BANK1: variants seen among roughly 807,000 people sequenced by gnomAD.
BANK1 encodes B cell scaffold protein with ankyrin repeats 1.
Under a neutral mutation model 94.5 loss-of-function variants are expected in BANK1, and 95 were observed. The observed-to-expected ratio is 1.00, with a 90% CI of 0.85 to 1.19. The LOEUF (loss-of-function observed/expected upper bound fraction) is 1.19, where lower values mean the gene tolerates loss of function less well. BANK1 is among the 50% of genes most tolerant of loss of function. The pLI is 0.00. For missense variants in BANK1, 987 were observed against 932.2 expected (o/e 1.06, Z -0.77); for synonymous variants, 334 against 308.4 (o/e 1.08, Z -0.87).
intron 7 of BANK1, among the ~76,000 whole-genome samples, chr4:101,962,566 C>G (rs1273973898): frequency 2.0e-5 from 3 of 152,120 alleles, no homozygotes; most frequent in Non-Finnish European, 4.4e-5. Context: ...TCATCATCTT[C>G]AAGCCAACTG....
At chr4:102,039,533 T>G (rs1046497054) in intron 10 of BANK1, among the ~76,000 whole-genome samples, 1 of 152,064 alleles carries the variant, frequency 6.6e-6, no homozygotes, top group African/African-American at 2.4e-5. Context: ...ACAGTATAAA[T>G]TGGGAAGCTG....
In BANK1 at chr4:101,811,813, A is replaced by C. The variant is rs560716198; in HGVS notation, c.71-17995A>C. Among the ~76,000 whole-genome samples the C allele has an allele frequency of 4.0e-3, 616 of 152,238 alleles. 5 individuals carry two copies. The highest frequency in any genetic ancestry group is 0.014 in the African/African-American group (581 of 41,574). On this transcript the variant is annotated intron_variant, in intron 1 of 16. Coordinates refer to ENST00000322953, the MANE Select transcript of BANK1 (RefSeq NM_017935.5). Reference sequence around the variant, plus strand: ...GAACCCTGGGATAAATAAGATAAGAAGATTCCTTCACCACAGGTCTTAATG... The same window carrying C: ...GAACCCTGGGATAAATAAGATAAGACGATTCCTTCACCACAGGTCTTAATG...
At chr4:102,061,516 A>G (rs139110337) in intron 12 of BANK1, 1 of 152,358 alleles carries the variant, frequency 6.6e-6, no homozygotes, top group East Asian at 1.9e-4. Context: ...AATCATGTCA[A>G]TGTCATCACC....
rs567725760 is a variant in BANK1, at chr4:101,931,903, T to C, written c.1206+13714T>C. Among the ~76,000 whole-genome samples the C allele has an allele frequency of 4.0e-5, 6 of 151,556 alleles. 1 individual carries two copies. Among genetic ancestry groups the C allele is most frequent in the Admixed American group, 4.0e-4 (6 of 15,162 alleles). ...CAGAGAGGAGCAGAAACATGGGCCA[T>C]GGCAAAGCTATAAAAATCCATAACA... On this transcript the variant is annotated intron_variant, in intron 7 of 16. Coordinates refer to ENST00000322953, the MANE Select transcript of BANK1 (RefSeq NM_017935.5).
At chr4:102,034,352 A>G (rs1416517839) in intron 10 of BANK1, among the ~76,000 whole-genome samples, 2 of 152,194 alleles carry the variant, frequency 1.3e-5, no homozygotes, top group Non-Finnish European at 2.9e-5. Flanking sequence ...AGCTGATATT[A>G]CCCAAGCAAG....
At chr4:102,042,754 C>T (rs2631269) in intron 10 of BANK1, among the ~76,000 whole-genome samples, 1 of 151,792 alleles carries the variant, frequency 6.6e-6, no homozygotes, top group East Asian at 1.9e-4. Context: ...GAAATTCTGT[C>T]GAACTGCTAA....
intron 15 of BANK1, among the ~76,000 whole-genome samples, chr4:102,073,447 A>G (rs1433288205): frequency 1.3e-5 from 2 of 152,002 alleles, no homozygotes; most frequent in Admixed American, 6.6e-5. Flanking sequence ...CAAATTCCCA[A>G]TGCTTAAAAT....
At chr4:101,951,478 A>C (rs921568634) in intron 7 of BANK1, among the ~76,000 whole-genome samples, 1 of 152,160 alleles carries the variant, frequency 6.6e-6, no homozygotes, top group South Asian at 2.1e-4. Context: ...TGCTTTAACA[A>C]TTAACACTGA....
intron 1 of BANK1, among the ~76,000 whole-genome samples, chr4:101,825,395 ATAT>A (rs559250562): frequency 6.5e-4 from 99 of 152,258 alleles, no homozygotes; most frequent in Middle Eastern, 6.8e-3. Context: ...GTGGTCCTAG[ATAT>A]TATTCAGTTA....
chr4:101,858,486 C>CT (rs557626564), intron 3 of BANK1, among the ~76,000 whole-genome samples: 4 of 152,164 alleles, frequency 2.6e-5, no homozygotes, highest in African/African-American at 9.7e-5. Context: ...TTCTTTATCT[C>CT]TTTTTTTCTT....
intron 10 of BANK1, among the ~76,000 whole-genome samples, chr4:102,034,671 T>C (rs1727440321): frequency 6.6e-6 from 1 of 152,196 alleles, no homozygotes. Context: ...ATAATAATTA[T>C]CATTAGGCAG....
At chr4:101,877,708 A>G (rs772829750) in intron 5 of BANK1, among the ~76,000 whole-genome samples, 1 of 152,068 alleles carries the variant, frequency 6.6e-6, no homozygotes, top group Non-Finnish European at 1.5e-5. Context: ...ATCATGGTGA[A>G]ACTCCATCTC....
At chr4:102,042,276 T>C (rs1727727934) in intron 10 of BANK1, among the ~76,000 whole-genome samples, 1 of 152,100 alleles carries the variant, frequency 6.6e-6, no homozygotes, top group Non-Finnish European at 1.5e-5. Flanking sequence ...TATTCCTCAA[T>C]ATATTTTATT....
chr4:102,060,579 G>A (rs1410559856), intron 12 of BANK1, among the ~76,000 whole-genome samples, 190 bp downstream of exon 12: 1 of 152,174 alleles, frequency 6.6e-6, no homozygotes, highest in Non-Finnish European at 1.5e-5. Flanking sequence ...CATTGGTGAA[G>A]TCAATCCTCT....
chr4:101,902,270 G>A (rs1343283018), intron 6 of BANK1, among the ~76,000 whole-genome samples: 1 of 152,104 alleles, frequency 6.6e-6, no homozygotes, highest in Non-Finnish European at 1.5e-5. Context: ...TATCTTCCTC[G>A]TGATCATTAT....
chr4:101,934,361 A>G (rs573375662), intron 7 of BANK1, among the ~76,000 whole-genome samples: 6 of 151,528 alleles, frequency 4.0e-5, no homozygotes, highest in African/African-American at 1.4e-4. Context: ...TGACCTTGAC[A>G]TACTAAGAAG....
intron 7 of BANK1, among the ~76,000 whole-genome samples, chr4:101,944,039 T>TGTGTGTGA (rs1418111437): frequency 2.3e-4 from 29 of 126,694 alleles, no homozygotes; most frequent in African/African-American, 7.7e-4. Flanking sequence ...TGTGTGTGTG[T>TGTGTGTGA]GAGAGAGAGA....
intron 11 of BANK1, among the ~76,000 whole-genome samples, chr4:102,049,819 A>G (rs1291209104): frequency 6.6e-6 from 1 of 152,236 alleles, no homozygotes; most frequent in Non-Finnish European, 1.5e-5. Context: ...GGGCGCAAGC[A>G]TGTGCACTAA....
chr4:101,834,873 GA>G (rs1252559137), intron 2 of BANK1, among the ~76,000 whole-genome samples: 8 of 152,056 alleles, frequency 5.3e-5, no homozygotes, highest in Non-Finnish European at 1.0e-4. Flanking sequence ...TTTTAAGAAA[GA>G]GAAAGCTATT....
Sources: allele counts gnomAD v4.1 joint callset (sites outside exome capture counted in the v4.1 genomes callset), GRCh38; gene constraint gnomAD v4.1.1; transcripts MANE v1.5; gene names NCBI Gene and HGNC (gene_info 2026-07-23, HGNC 2026-07-21).